Variants in AAK1 observed in about 807,000 individuals in gnomAD.
AAK1 encodes the protein AP2-associated protein kinase 1.
A neutral mutation model predicts 116.0 loss-of-function variants in AAK1; 37 were observed. The ratio of observed to expected loss-of-function variants is 0.32; its 90% CI spans 0.25 to 0.42. AAK1 has a LOEUF of 0.42. AAK1 is among the 10% of genes least tolerant of loss of function. AAK1 has a pLI of 1.00. For missense variants in AAK1, 919 were observed against 1,170.6 expected (o/e 0.79, Z 3.14); for synonymous variants, 458 against 439.9 (o/e 1.04, Z -0.51).
chr2:69,529,862 A>G, intron 8 of AAK1, 146 bp downstream of exon 8: 1 of 801,632 alleles, frequency 1.2e-6, no homozygotes, highest in Non-Finnish European at 1.9e-6. Flanking sequence ...AGACAGTTAC[A>G]TTGTCTTTGA....
At position 69,544,494 on chromosome 2, in the gene AAK1, G is replaced by C; in HGVS notation, c.333C>G (p.Ile111Met). ...KNIVGYIDSS[I>M]NNVSSGDVWE... ...ATACATCACCGCTACTCACGTTGTT[G>C]ATACTAGAATCAATGTAACCCACAA... The change falls in exon 4 of 22, where the codon ATC (isoleucine) becomes ATG (methionine). Residue 111 changes from isoleucine (I) to methionine (M), a missense_variant. Ile to Met is a conservative substitution (Grantham distance 10). This residue lies in a region of AAK1 where 317 missense variants were observed against 490.4 expected (regional missense o/e 0.65). Coordinates refer to ENST00000409085, the MANE Select transcript of AAK1 (RefSeq NM_014911.5). 6.2e-7 allele frequency: 1 copy of C among 1,613,808 alleles called. No individual in the cohort carries two copies. The highest frequency in any genetic ancestry group is 8.5e-7 in the Non-Finnish European group (1 of 1,179,788).
rs1341245619 is a variant in AAK1 at position 69,463,227 on chromosome 2, A to G, written c.*12642T>C. 1 of 152,262 alleles carries G rather than the reference A, an allele frequency of 6.6e-6. No individual in the cohort carries two copies. The highest frequency in any genetic ancestry group is 1.5e-5 in the Non-Finnish European group (1 of 68,042). The allele number at this position is 152,262 out of a possible 1,614,324, so 9.4% of individuals were successfully genotyped here. A position where few individuals can be genotyped will look rare whatever the true frequency, so the allele number is the denominator to read the frequency against. ...AATAGCTCTCCAAACTTCTACAGCTAATGGAAAAATCACTTAACCTTTACT... is the reference window on the plus strand; with the variant it reads ...AATAGCTCTCCAAACTTCTACAGCTGATGGAAAAATCACTTAACCTTTACT... On this transcript the variant is annotated 3_prime_UTR_variant, in exon 22 of 22. Coordinates refer to ENST00000409085, the MANE Select transcript of AAK1 (RefSeq NM_014911.5).
chr2:69,544,315 T>A lies in AAK1; in HGVS notation c.391+121A>T, dbSNP rs1005792763. 2.4e-5 allele frequency: 17 copies of A among 705,120 alleles called. No homozygotes were observed. In the African/African-American group the frequency reaches 2.7e-4, roughly 11 times the overall value. 43.7% of individuals were successfully genotyped at this position (705,120 alleles called of 1,614,324 possible). On this transcript the variant is annotated intron_variant, in intron 4 of 21. Coordinates refer to ENST00000409085, the MANE Select transcript of AAK1 (RefSeq NM_014911.5). Reference sequence around the variant, plus strand: ...CAGCAGACTGTATCTTTTAGTTTTCTCATCTGTCAAACCAGAACATATCAT... The same window carrying A: ...CAGCAGACTGTATCTTTTAGTTTTCACATCTGTCAAACCAGAACATATCAT...
intron 2 of AAK1, among the ~76,000 whole-genome samples, chr2:69,637,838 G>A (rs1675517816): frequency 6.6e-6 from 1 of 152,036 alleles, no homozygotes; most frequent in Admixed American, 6.5e-5. Flanking sequence ...TAGCTACCAG[G>A]GTACAAGTGT....
In AAK1 at chr2:69,472,004, G is replaced by A. The variant is rs536809727; in HGVS notation, c.*3865C>T. The A allele has an allele frequency of 2.1e-5, 21 of 985,326 alleles. No individual in the cohort carries two copies. The East Asian group carries it at 5.7e-4, about 27-fold the overall frequency. The allele number at this position is 985,326 out of a possible 1,614,324, so 61.0% of individuals were successfully genotyped here. A position where few individuals can be genotyped will look rare whatever the true frequency, so the allele number is the denominator to read the frequency against. On this transcript the variant is annotated 3_prime_UTR_variant, in exon 22 of 22. Transcript: ENST00000409085. ...TGTGTAATTCTAATTCAGGAAGAGC[G>A]AAGTCCAATATCAAATAACACTGAA...
chr2:69,538,533 T>C (rs1244905063), intron 5 of AAK1, among the ~76,000 whole-genome samples: 1 of 152,242 alleles, frequency 6.6e-6, no homozygotes. Context: ...TGTTATTTAC[T>C]GGTATGACAT....
intron 2 of AAK1, among the ~76,000 whole-genome samples, chr2:69,610,355 T>A (rs1674023678): frequency 6.6e-6 from 1 of 152,056 alleles, no homozygotes; most frequent in South Asian, 2.1e-4. Flanking sequence ...AAAAATTAAC[T>A]CAAATTGGAT....
At position 69,643,292 on chromosome 2, in the gene AAK1, G is replaced by A; in HGVS notation, c.-234-18C>T. 1 of 1,371,776 alleles carries A rather than the reference G, an allele frequency of 7.3e-7. No individual in the cohort carries two copies. The highest frequency in any genetic ancestry group is 9.3e-7 in the Non-Finnish European group (1 of 1,070,248). The allele number at this position is 1,371,776 out of a possible 1,614,324, so 85.0% of individuals were successfully genotyped here. A position where few individuals can be genotyped will look rare whatever the true frequency, so the allele number is the denominator to read the frequency against. On this transcript the variant is annotated intron_variant, in intron 1 of 21. Coordinates refer to ENST00000409085, the MANE Select transcript of AAK1 (RefSeq NM_014911.5). ...GTTTAAACCTGTGATGACAGAGGAAGAAAGAGAGGATGAATCAGTAACACG... is the reference window on the plus strand; with the variant it reads ...GTTTAAACCTGTGATGACAGAGGAAAAAAGAGAGGATGAATCAGTAACACG...
At chr2:69,622,977 C>T (rs1246433322) in intron 2 of AAK1, among the ~76,000 whole-genome samples, 1 of 144,706 alleles carries the variant, frequency 6.9e-6, no homozygotes, top group Non-Finnish European at 1.5e-5. Flanking sequence ...TGGGTGGGGC[C>T]AAATAAGAAT....
chr2:69,618,267 C>T (rs924106992), intron 2 of AAK1, among the ~76,000 whole-genome samples: 2 of 151,544 alleles, frequency 1.3e-5, no homozygotes, highest in African/African-American at 4.8e-5. Context: ...ATTCAATATA[C>T]TAATATATAA....
intron 2 of AAK1, among the ~76,000 whole-genome samples, chr2:69,621,904 G>C (rs995971439): frequency 6.6e-6 from 1 of 152,246 alleles, no homozygotes; most frequent in Non-Finnish European, 1.5e-5. Flanking sequence ...ATGTTACTGA[G>C]AGGTGACAGC....
chr2:69,635,260 T>C (rs2105266405), intron 2 of AAK1, among the ~76,000 whole-genome samples: 1 of 152,246 alleles, frequency 6.6e-6, no homozygotes, highest in African/African-American at 2.4e-5. Flanking sequence ...CCACCTCACA[T>C]CCATTAGGAT....
intron 2 of AAK1, among the ~76,000 whole-genome samples, chr2:69,581,502 A>C (rs1672541127): frequency 6.6e-6 from 1 of 152,154 alleles, no homozygotes; most frequent in Admixed American, 6.5e-5. Flanking sequence ...GTATTCTCTA[A>C]ATACGTTTGA....
In AAK1 at chr2:69,458,916, G is replaced by A. The variant is rs1225358952; in HGVS notation, c.*16953C>T. ...GGAATCAAACGGATCCCTTTAACAT[G>A]TACATATAGTTCCATTATAATGCAA... On this transcript the variant is annotated 3_prime_UTR_variant, in exon 22 of 22. Coordinates refer to ENST00000409085, the MANE Select transcript of AAK1 (RefSeq NM_014911.5). The A allele has an allele frequency of 1.3e-5, 2 of 152,424 alleles. No homozygotes were observed. Among genetic ancestry groups the A allele is most frequent in the Non-Finnish European group, 2.9e-5 (2 of 68,022 alleles). The allele number at this position is 152,424 out of a possible 1,614,324, so 9.4% of individuals were successfully genotyped here.
At chr2:69,591,662 C>T (rs1409746074) in intron 2 of AAK1, among the ~76,000 whole-genome samples, 1 of 151,782 alleles carries the variant, frequency 6.6e-6, no homozygotes, top group Non-Finnish European at 1.5e-5. Flanking sequence ...CCTCTGCCTC[C>T]CAGGTTCAGG....
intron 16 of AAK1, among the ~76,000 whole-genome samples, chr2:69,497,600 A>G (rs1675800735): frequency 1.3e-5 from 2 of 152,032 alleles, no homozygotes; most frequent in African/African-American, 4.8e-5. Flanking sequence ...GTGCCCAGCC[A>G]TACATAATCA....
chr2:69,568,269 G>A (rs1332062999), intron 2 of AAK1, among the ~76,000 whole-genome samples: 2 of 152,198 alleles, frequency 1.3e-5, no homozygotes, highest in African/African-American at 2.4e-5. Flanking sequence ...TCAACTTCAT[G>A]CTTCAAAGCT....
chr2:69,576,956 C>A (rs983694167), intron 2 of AAK1, among the ~76,000 whole-genome samples: 1 of 152,214 alleles, frequency 6.6e-6, no homozygotes, highest in Non-Finnish European at 1.5e-5. Flanking sequence ...TGGCCTAGTC[C>A]CTACCAGACC....
At chr2:69,556,217 TAG>T (rs1036741431) in intron 3 of AAK1, among the ~76,000 whole-genome samples, 5 of 152,144 alleles carry the variant, frequency 3.3e-5, no homozygotes, top group African/African-American at 4.8e-5. Flanking sequence ...TTCCACGGCC[TAG>T]AAAGTCCCCG....
Sources: allele counts gnomAD v4.1 joint callset (sites outside exome capture counted in the v4.1 genomes callset), GRCh38; gene constraint gnomAD v4.1.1; regional missense constraint gnomAD v4.1.1; transcripts MANE v1.5; gene names NCBI Gene and HGNC (gene_info 2026-07-23, HGNC 2026-07-21).